The following NPEPPS variants were observed in gnomAD, a reference collection of about 807,000 sequenced individuals.
NPEPPS encodes the protein puromycin-sensitive aminopeptidase.
Under a neutral mutation model 115.5 loss-of-function variants are expected in NPEPPS, and 14 were observed. The ratio of observed to expected loss-of-function variants is 0.12; its 90% CI spans 0.08 to 0.19. NPEPPS has a LOEUF of 0.19. NPEPPS is among the 10% of genes least tolerant of loss of function. NPEPPS has a pLI of 1.00. For synonymous variants in NPEPPS, 285 were observed against 390.6 expected (o/e 0.73, Z 3.19); for missense variants, 523 against 1,110.8 (o/e 0.47, Z 7.52).
At chr17:47,593,383 C>T (rs1156273492) in intron 12 of NPEPPS, among the ~76,000 whole-genome samples, 1 of 152,030 alleles carries the variant, frequency 6.6e-6, no homozygotes, top group African/African-American at 2.4e-5. Context: ...ATAGCGAGAC[C>T]CCACCTCTAC....
chr17:47,569,660 C>T (rs1275348219), intron 3 of NPEPPS, among the ~76,000 whole-genome samples, 166 bp downstream of exon 3: 1 of 151,440 alleles, frequency 6.6e-6, no homozygotes. Flanking sequence ...CTCTATTGCC[C>T]AGGCTGGAGA....
intron 1 of NPEPPS, among the ~76,000 whole-genome samples, chr17:47,535,235 T>C (rs1415320635): frequency 2.9e-5 from 2 of 69,792 alleles, no homozygotes; most frequent in Non-Finnish European, 2.5e-5. Context: ...AGAGCAAGAC[T>C]CTGTCTCAAA....
chr17:47,563,543 A>T (rs904190458), intron 2 of NPEPPS, among the ~76,000 whole-genome samples: 1 of 152,152 alleles, frequency 6.6e-6, no homozygotes, highest in Non-Finnish European at 1.5e-5. Context: ...ATCAATAAAG[A>T]ACTGTAAGGT....
chr17:47,615,073 CTTTTTTTTTTTT>C (rs60829784), intron 19 of NPEPPS, among the ~76,000 whole-genome samples: 10 of 122,486 alleles, frequency 8.2e-5, no homozygotes, highest in African/African-American at 3.0e-4. Context: ...TACTTTCTTT[CTTTTTTTTTTTT>C]TTTTTTTTTT....
chr17:47,600,823 C>G lies in NPEPPS; in HGVS notation c.1601-785C>G, dbSNP rs192018141. ...ATGACTCCTCTGTGACGGAACATAA[C>G]AGCTTCCAGGTTGTATCCTGTCTAT... On this transcript the variant is annotated intron_variant, in intron 14 of 22. Transcript: ENST00000322157. 5.9e-5 allele frequency among the ~76,000 whole-genome samples: 9 copies of G among 152,312 alleles called. No individual in the cohort carries two copies. The East Asian group carries it at 1.7e-3, about 29-fold the overall frequency.
Position 47,622,461 on chromosome 17 carries a change from A to C in NPEPPS, c.*541A>C, listed in dbSNP as rs190680892. On this transcript the variant is annotated 3_prime_UTR_variant, in exon 23 of 23. Coordinates refer to ENST00000322157, the MANE Select transcript of NPEPPS (RefSeq NM_006310.4). ...TTTGGCACGGGGACTGATCAGGAAG[A>C]TATATTCCTGCATAACTCAATCTGA... 2.1e-5 allele frequency: 4 copies of C among 193,002 alleles called. No homozygotes were observed. 12.0% of individuals were successfully genotyped at this position (193,002 alleles called of 1,614,324 possible).
intron 2 of NPEPPS, among the ~76,000 whole-genome samples, chr17:47,562,079 C>A (rs1910467830): frequency 6.6e-6 from 1 of 152,344 alleles, no homozygotes; most frequent in Non-Finnish European, 1.5e-5. Flanking sequence ...TTCCCACATG[C>A]CTTGTTCTGT....
intron 9 of NPEPPS, among the ~76,000 whole-genome samples, chr17:47,589,007 C>T (rs1912351142): frequency 6.6e-6 from 1 of 152,186 alleles, no homozygotes; most frequent in Admixed American, 6.5e-5. Flanking sequence ...GTCTTTACCT[C>T]TGGGCTCAAG....
intron 1 of NPEPPS, among the ~76,000 whole-genome samples, chr17:47,524,847 T>TTCA (rs1026007504): frequency 5.4e-5 from 8 of 149,082 alleles, no homozygotes; most frequent in African/African-American, 2.0e-4. Flanking sequence ...CTCACTATGA[T>TTCA]GCCCAGAGTG....
At chr17:47,607,213 C>G (rs1210270812) in intron 17 of NPEPPS, among the ~76,000 whole-genome samples, 1 of 151,786 alleles carries the variant, frequency 6.6e-6, no homozygotes, top group East Asian at 1.9e-4. Context: ...AAAAGAAAGT[C>G]GTCAGATAAT....
At chr17:47,600,423 G>A (rs991419834) in intron 14 of NPEPPS, among the ~76,000 whole-genome samples, 3 of 152,132 alleles carry the variant, frequency 2.0e-5, no homozygotes, top group African/African-American at 7.2e-5. Flanking sequence ...GTGACACGGC[G>A]AGACCCTGTC....
chr17:47,587,072 T>C (rs1912236600), intron 8 of NPEPPS, 158 bp from the exon 9 acceptor site: 1 of 611,338 alleles, frequency 1.6e-6, no homozygotes, highest in African/African-American at 1.9e-5. Flanking sequence ...GGGTAGTCTT[T>C]AATCTTCGTG....
At chr17:47,542,290 T>G (rs1202803769) in intron 1 of NPEPPS, among the ~76,000 whole-genome samples, 1 of 152,140 alleles carries the variant, frequency 6.6e-6, no homozygotes, top group Non-Finnish European at 1.5e-5. Context: ...CTCATGCCTG[T>G]AATCCCAGCA....
chr17:47,576,789 A>G lies in NPEPPS; in HGVS notation c.419-2601A>G, dbSNP rs898704712. Among the ~76,000 whole-genome samples the G allele has an allele frequency of 4.6e-5, 7 of 152,308 alleles. No homozygotes were observed. The South Asian group carries it at 1.5e-3, about 32-fold the overall frequency. On this transcript the variant is annotated intron_variant, in intron 3 of 22. Coordinates refer to ENST00000322157, the MANE Select transcript of NPEPPS (RefSeq NM_006310.4). ...TCATACATTGGATATGAAATAAGGT[A>G]TCTAATTTGAGGAAGTGGTGTAAAT...
At chr17:47,588,707 CTT>C (rs1296143658) in intron 9 of NPEPPS, among the ~76,000 whole-genome samples, 7 of 151,986 alleles carry the variant, frequency 4.6e-5, no homozygotes, top group African/African-American at 1.2e-4. Flanking sequence ...TTTGAGATAA[CTT>C]TATGATTTTA....
intron 21 of NPEPPS, 57 bp from the exon 22 acceptor site, chr17:47,619,680 G>A (rs1320843149): frequency 5.1e-6 from 7 of 1,367,014 alleles, no homozygotes; most frequent in Non-Finnish European, 7.3e-6. Flanking sequence ...TAGGGTAAAT[G>A]GAAGTTTGTT....
intron 1 of NPEPPS, among the ~76,000 whole-genome samples, chr17:47,532,899 A>T (rs1401454209): frequency 6.6e-6 from 1 of 152,102 alleles, no homozygotes; most frequent in African/African-American, 2.4e-5. Flanking sequence ...TAAAAATGGG[A>T]ACTGTTTGAT....
intron 9 of NPEPPS, 37 bp from the exon 10 acceptor site, chr17:47,590,680 T>C (rs1912446603): frequency 6.3e-7 from 1 of 1,590,424 alleles, no homozygotes; most frequent in Non-Finnish European, 8.6e-7. Context: ...TGACAATCAT[T>C]TCATTTTCTT....
rs748464036 is a variant in NPEPPS at position 47,622,936 on chromosome 17, G to A, written c.*1016G>A. The A allele has an allele frequency of 3.1e-5, 14 of 455,968 alleles. No individual in the cohort carries two copies. Among genetic ancestry groups the A allele is most frequent in the Middle Eastern group, 3.3e-4 (1 of 3,066 alleles). The allele number at this position is 455,968 out of a possible 1,614,324, so 28.2% of individuals were successfully genotyped here. ...CGAGAAGTCAGTGGTAACTGCTGCA[G>A]GGCTTAATACATTAGTGGTAACTGG... On this transcript the variant is annotated 3_prime_UTR_variant, in exon 23 of 23. Coordinates refer to ENST00000322157, the MANE Select transcript of NPEPPS (RefSeq NM_006310.4).
Sources: allele counts gnomAD v4.1 joint callset (sites outside exome capture counted in the v4.1 genomes callset), GRCh38; gene constraint gnomAD v4.1.1; transcripts MANE v1.5; gene names NCBI Gene and HGNC (gene_info 2026-07-23, HGNC 2026-07-21).